Variants in RBFOX1 observed in about 807,000 individuals in gnomAD.
The protein encoded by RBFOX1 is RNA binding fox-1 homolog 1, also known as RNA binding protein fox-1 homolog 1.
A neutral mutation model predicts 57.7 loss-of-function variants in RBFOX1; 8 were observed. That is an observed-to-expected ratio of 0.14 (90% CI 0.08 to 0.25). RBFOX1 has a LOEUF of 0.25. Among genes scored for constraint, RBFOX1 ranks in the 10% least tolerant of loss-of-function variants. The pLI is 1.00. For missense variants in RBFOX1, 611 were observed against 548.5 expected, an observed-to-expected ratio of 1.11 and a Z score of -1.14; for synonymous variants, 326 against 222.4, an observed-to-expected ratio of 1.47 and a Z score of -4.15.
At chr16:5,609,884 G>A (rs1011441848) in intron 3 of RBFOX1, among the ~76,000 whole-genome samples, 1 of 151,730 alleles carries the variant, frequency 6.6e-6, no homozygotes, top group Non-Finnish European at 1.5e-5. Flanking sequence ...TGGGGGCGGG[G>A]TGGAAGACAA....
chr16:5,852,225 C>A (rs188948827), intron 3 of RBFOX1, among the ~76,000 whole-genome samples: 9 of 152,224 alleles, frequency 5.9e-5, no homozygotes, highest in African/African-American at 2.4e-5. Flanking sequence ...TAGCCTTTGC[C>A]CATGCTGTCT....
chr16:7,300,717 A>G (rs1355681740), intron 4 of RBFOX1, among the ~76,000 whole-genome samples: 1 of 152,244 alleles, frequency 6.6e-6, no homozygotes, highest in Non-Finnish European at 1.5e-5. Flanking sequence ...TTCTTCTTTT[A>G]AATTGCTGGC....
chr16:7,354,168 A>T (rs2097174960), intron 4 of RBFOX1, among the ~76,000 whole-genome samples: 1 of 152,050 alleles, frequency 6.6e-6, no homozygotes, highest in African/African-American at 2.4e-5. Flanking sequence ...AAAGGGTTTC[A>T]TCACATTGGT....
intron 3 of RBFOX1, among the ~76,000 whole-genome samples, chr16:6,969,696 A>G (rs1252654701): frequency 6.6e-6 from 1 of 152,104 alleles, no homozygotes; most frequent in Non-Finnish European, 1.5e-5. Context: ...GTGAGCTGAA[A>G]TAGTGCCACC....
chr16:7,378,458 C>T (rs984662259), intron 4 of RBFOX1, among the ~76,000 whole-genome samples: 2 of 152,164 alleles, frequency 1.3e-5, no homozygotes, highest in Non-Finnish European at 2.9e-5. Context: ...GAACTGCTGT[C>T]TTCCAAGCCT....
At chr16:7,383,842 G>A (rs770764303) in intron 4 of RBFOX1, among the ~76,000 whole-genome samples, 2 of 152,044 alleles carry the variant, frequency 1.3e-5, no homozygotes, top group African/African-American at 2.4e-5. Context: ...AGATCACAAG[G>A]TCAGAAGATC....
intron 3 of RBFOX1, among the ~76,000 whole-genome samples, chr16:6,964,873 G>A (rs1033106490): frequency 1.3e-5 from 2 of 152,104 alleles, no homozygotes; most frequent in Admixed American, 1.3e-4. Context: ...GTGACCCTGG[G>A]CAAGTCACTC....
chr16:6,235,819 G>A (rs1162827139), intron 1 of RBFOX1, among the ~76,000 whole-genome samples: 1 of 152,040 alleles, frequency 6.6e-6, no homozygotes, highest in African/African-American at 2.4e-5. Context: ...GGATGCAAAG[G>A]CACAAGAATG....
At chr16:6,931,907 G>C (rs1484063247) in intron 3 of RBFOX1, among the ~76,000 whole-genome samples, 1 of 152,150 alleles carries the variant, frequency 6.6e-6, no homozygotes, top group Non-Finnish European at 1.5e-5. Flanking sequence ...GCATGTGAGA[G>C]GGAGGAGGCG....
chr16:7,603,878 T>A (rs1054257990), intron 9 of RBFOX1, among the ~76,000 whole-genome samples: 1 of 152,090 alleles, frequency 6.6e-6, no homozygotes, highest in Non-Finnish European at 1.5e-5. Context: ...AAGCTGATGT[T>A]TTTTTTAAAA....
intron 3 of RBFOX1, among the ~76,000 whole-genome samples, chr16:6,839,838 A>C (rs1444422811): frequency 6.6e-6 from 1 of 152,198 alleles, no homozygotes; most frequent in African/African-American, 2.4e-5. Context: ...CTATAATCAT[A>C]CCTCTGTTCT....
At chr16:5,965,628 A>G (rs1224216074) in intron 4 of RBFOX1, among the ~76,000 whole-genome samples, 1 of 152,240 alleles carries the variant, frequency 6.6e-6, no homozygotes, top group African/African-American at 2.4e-5. Flanking sequence ...CAAAGCTTCA[A>G]AAGAAATTAC....
intron 3 of RBFOX1, among the ~76,000 whole-genome samples, chr16:6,746,449 G>A (rs937918991): frequency 2.0e-5 from 3 of 152,158 alleles, no homozygotes; most frequent in Admixed American, 1.3e-4. Context: ...AGACTAGACA[G>A]TTGGATCACT....
chr16:6,416,559 A>T (rs1008195861), intron 2 of RBFOX1, among the ~76,000 whole-genome samples: 1 of 152,140 alleles, frequency 6.6e-6, no homozygotes, highest in Admixed American at 6.6e-5. Context: ...TCAGAAACAG[A>T]TAAGAAAGAG....
intron 3 of RBFOX1, among the ~76,000 whole-genome samples, chr16:6,897,393 A>G (rs2067206386): frequency 6.6e-6 from 1 of 151,398 alleles, no homozygotes. Flanking sequence ...ACAGAGCGAG[A>G]CTCCGTCACA....
At chr16:6,233,272 T>C (rs2097479575) in intron 1 of RBFOX1, among the ~76,000 whole-genome samples, 1 of 152,140 alleles carries the variant, frequency 6.6e-6, no homozygotes, top group South Asian at 2.1e-4. Context: ...AGCCCCAAAC[T>C]GGAGGGAAGA....
chr16:6,031,349 G>A (rs944082175), intron 1 of RBFOX1, among the ~76,000 whole-genome samples: 1 of 152,232 alleles, frequency 6.6e-6, no homozygotes, highest in Admixed American at 6.5e-5. Flanking sequence ...GGATGTGGCT[G>A]GCAAAGCCTG....
intron 3 of RBFOX1, among the ~76,000 whole-genome samples, chr16:6,929,967 G>T (rs909742134): frequency 6.6e-6 from 1 of 152,146 alleles, no homozygotes; most frequent in East Asian, 1.9e-4. Flanking sequence ...GAATCAGAAT[G>T]ACTGGCAAAC....
At chr16:6,877,440 C>T (rs2062049497) in intron 3 of RBFOX1, among the ~76,000 whole-genome samples, 2 of 152,008 alleles carry the variant, frequency 1.3e-5, no homozygotes, top group South Asian at 2.1e-4. Context: ...CAAGCAAAAC[C>T]AGAGTAGTGG....
Sources: gnomAD v4.1 joint callset for allele counts (sites outside exome capture counted in the v4.1 genomes callset) on GRCh38, gnomAD v4.1.1 for gene constraint, MANE v1.5 for transcripts, NCBI Gene and HGNC (gene_info 2026-07-23, HGNC 2026-07-21) for gene names.